SLC6A6: variants seen among roughly 807,000 people sequenced by gnomAD.
SLC6A6 encodes the protein sodium- and chloride-dependent taurine transporter.
In SLC6A6, 16 loss-of-function variants were observed where a neutral mutation model predicts 68.8. That is an observed-to-expected ratio of 0.23 (90% CI 0.16 to 0.35). The LOEUF (loss-of-function observed/expected upper bound fraction) is 0.35. SLC6A6 is among the 10% of genes least tolerant of loss of function. The probability of loss-of-function intolerance (pLI) is 1.00; values close to 1 mark genes in which losing one functional copy is unlikely to be tolerated. For missense variants in SLC6A6, 474 were observed against 802.8 expected (o/e 0.59, Z 4.95); for synonymous variants, 312 against 315.4 (o/e 0.99, Z 0.12).
intron 1 of SLC6A6, among the ~76,000 whole-genome samples, chr3:14,412,135 C>T (rs1699264766): frequency 6.6e-6 from 1 of 152,200 alleles, no homozygotes; most frequent in African/African-American, 2.4e-5. Flanking sequence ...GAAGCGCGTG[C>T]CACCACACGG....
intron 6 of SLC6A6, among the ~76,000 whole-genome samples, chr3:14,466,265 T>TAA (rs11310077): frequency 0.017 from 1,881 of 110,168 alleles, 43 homozygotes; most frequent in African/African-American, 0.06. Context: ...GTCTCAAATT[T>TAA]AAAAAAAAAA....
rs185460328 is a variant in SLC6A6, at chr3:14,408,807, T to G, written c.-54+5960T>G. Among the ~76,000 whole-genome samples the G allele has an allele frequency of 3.3e-3, 495 of 151,914 alleles. 3 individuals carry two copies. The highest frequency in any genetic ancestry group is 9.9e-3 in the African/African-American group (412 of 41,438). ...TAGCTGTAGTTTTGTTTTGTTTTTT[T>G]TTTGTTTGTTTGTTTTTGGGACGGA... On this transcript the variant is annotated intron_variant, in intron 1 of 14. Transcript: ENST00000622186.
intron 6 of SLC6A6, among the ~76,000 whole-genome samples, chr3:14,461,932 C>G (rs1401940283): frequency 2.0e-5 from 3 of 152,224 alleles, no homozygotes; most frequent in African/African-American, 7.2e-5. Context: ...CCCGGCTCCC[C>G]CTGCTGCTCA....
Position 14,466,524 on chromosome 3 carries a change from C to T in SLC6A6, c.741C>T (p.Tyr247=). Residue 247 remains tyrosine (Y), a synonymous_variant, in exon 7 of 15, where the codon TAC becomes TAT. Transcript: ENST00000622186. ...KGVRSTGKVV[Y]FTATFPFAML... ...CCCTCTCGCCCTTGCAGGTCGTCTA[C>T]TTCACAGCCACTTTTCCATTCGCCA... The T allele has an allele frequency of 6.2e-7, 1 of 1,612,044 alleles. No individual in the cohort carries two copies. Among genetic ancestry groups the T allele is most frequent in the African/African-American group, 1.3e-5 (1 of 75,010 alleles).
intron 1 of SLC6A6, among the ~76,000 whole-genome samples, chr3:14,406,250 CA>C (rs1699105490): frequency 6.6e-6 from 1 of 152,130 alleles, no homozygotes; most frequent in Non-Finnish European, 1.5e-5. Context: ...TGGGCTCAGG[CA>C]ATCTTCTCGC....
chr3:14,476,869 G>A (rs1241897595), intron 10 of SLC6A6, among the ~76,000 whole-genome samples: 1 of 152,268 alleles, frequency 6.6e-6, no homozygotes, highest in Admixed American at 6.5e-5. Context: ...CAGAGGCGCA[G>A]TTGTTCTCAA....
intron 2 of SLC6A6, among the ~76,000 whole-genome samples, chr3:14,434,409 A>T (rs1361382825): frequency 6.6e-6 from 1 of 152,118 alleles, no homozygotes; most frequent in Non-Finnish European, 1.5e-5. Context: ...GTCATAAATA[A>T]TTGCTCATTT....
chr3:14,454,139 G>A (rs780943084), intron 5 of SLC6A6, among the ~76,000 whole-genome samples: 4 of 152,196 alleles, frequency 2.6e-5, no homozygotes, highest in African/African-American at 7.2e-5. Context: ...CTGGGAGGAC[G>A]TGGAGCAGAG....
intron 1 of SLC6A6, among the ~76,000 whole-genome samples, chr3:14,413,134 G>T (rs556289179): frequency 4.0e-4 from 61 of 152,368 alleles, no homozygotes; most frequent in Admixed American, 7.8e-4. Context: ...GGGATTTGGG[G>T]CTGGCATGAT....
chr3:14,484,689 G>T (rs1321219820), intron 14 of SLC6A6, among the ~76,000 whole-genome samples, 178 bp from the exon 15 acceptor site: 2 of 152,244 alleles, frequency 1.3e-5, no homozygotes, highest in South Asian at 2.1e-4. Context: ...CACCTTAGGA[G>T]CGCCTTAGTT....
chr3:14,434,994 C>T (rs1456591529), intron 2 of SLC6A6, among the ~76,000 whole-genome samples: 5 of 152,214 alleles, frequency 3.3e-5, no homozygotes, highest in Non-Finnish European at 7.3e-5. Context: ...CTATTAGACT[C>T]ATACCGTGTC....
At position 14,481,509 on chromosome 3, in the gene SLC6A6, C is replaced by G. The variant is rs185434466; in HGVS notation, c.1552-162C>G. Among the ~76,000 whole-genome samples, 2 of 150,874 alleles carry G rather than the reference C, an allele frequency of 1.3e-5. No homozygotes were observed. Among genetic ancestry groups the G allele is most frequent in the South Asian group, 2.1e-4 (1 of 4,748 alleles). ...ACGACTTACTGTGTTTTTACCGGGG[C>G]GGGGGGGATCCTTATGGCAGCAGAG... On this transcript the variant is annotated intron_variant, in intron 13 of 14. Coordinates refer to ENST00000622186, the MANE Select transcript of SLC6A6 (RefSeq NM_003043.6). The surrounding 1 kb of genome is among the most constrained non-coding windows in gnomAD (Gnocchi z 4.7).
At chr3:14,414,721 A>G (rs1481985835) in intron 1 of SLC6A6, among the ~76,000 whole-genome samples, 1 of 152,064 alleles carries the variant, frequency 6.6e-6, no homozygotes, top group Admixed American at 6.6e-5. Context: ...TTGTAGAGAC[A>G]GGTCTCCCTG....
rs965978120 is a variant in SLC6A6 at position 14,465,789 on chromosome 3, G to A, written c.733-727G>A. 3.3e-5 allele frequency among the ~76,000 whole-genome samples: 5 copies of A among 152,208 alleles called. No homozygotes were observed. The East Asian group carries it at 5.8e-4, about 18-fold the overall frequency. On this transcript the variant is annotated intron_variant, in intron 6 of 14. Transcript: ENST00000622186. ...CATGGTTGGCAACCACTGGGCTGAGGCTTCTACACACGCACTTGATAGCTT... is the reference window on the plus strand; with the variant it reads ...CATGGTTGGCAACCACTGGGCTGAGACTTCTACACACGCACTTGATAGCTT...
chr3:14,436,825 T>C (rs1329332253), intron 2 of SLC6A6, among the ~76,000 whole-genome samples: 1 of 152,158 alleles, frequency 6.6e-6, no homozygotes, highest in African/African-American at 2.4e-5. Context: ...CCCTTGGCAC[T>C]GACTGCTCCC....
At chr3:14,475,340 G>GT (rs201739122) in intron 10 of SLC6A6, among the ~76,000 whole-genome samples, 1,563 of 152,042 alleles carry the variant, frequency 0.01, 31 homozygotes, top group African/African-American at 0.035. Flanking sequence ...CTGGGACATG[G>GT]TTTTTTTTAA....
chr3:14,417,309 CT>C (rs1218064453), intron 2 of SLC6A6, among the ~76,000 whole-genome samples: 4 of 152,234 alleles, frequency 2.6e-5, no homozygotes, highest in African/African-American at 9.6e-5. Flanking sequence ...GCCACATTCG[CT>C]TCATCTCTTT....
intron 2 of SLC6A6, 125 bp from the exon 3 acceptor site, chr3:14,443,499 C>T: frequency 1.5e-6 from 1 of 659,824 alleles, no homozygotes; most frequent in Non-Finnish European, 2.7e-6. Flanking sequence ...ACAGGGATGC[C>T]AGGCCCCTTG....
At position 14,468,344 on chromosome 3, in the gene SLC6A6, C is replaced by G. The variant is rs1559310200; in HGVS notation, c.1096+132C>G. The G allele has an allele frequency of 6.8e-6, 5 of 736,224 alleles. No individual in the cohort carries two copies. The highest frequency in any genetic ancestry group is 1.0e-5 in the Non-Finnish European group (5 of 477,468). 45.6% of individuals were successfully genotyped at this position (736,224 alleles called of 1,614,324 possible). A position where few individuals can be genotyped will look rare whatever the true frequency, so the allele number is the denominator to read the frequency against. ...CTGGTTTCTAAAATGGACCCCCCCC[C>G]CGCCACCAAGATATCCCCCAAATTT... On this transcript the variant is annotated intron_variant, in intron 9 of 14. Transcript: ENST00000622186. The surrounding 1 kb of genome is among the most constrained non-coding windows in gnomAD (Gnocchi z 4.5).
Sources: allele counts gnomAD v4.1 joint callset (sites outside exome capture counted in the v4.1 genomes callset), GRCh38; gene constraint gnomAD v4.1.1; non-coding constraint Gnocchi (gnomAD v3.1); transcripts MANE v1.5; gene names NCBI Gene and HGNC (gene_info 2026-07-23, HGNC 2026-07-21).